Variants in PARVA observed in about 807,000 individuals in gnomAD.
PARVA encodes the protein parvin alpha.
In PARVA, 25 loss-of-function variants were observed where a neutral mutation model predicts 52.6. The ratio of observed to expected loss-of-function variants is 0.48; its 90% CI spans 0.35 to 0.66. PARVA has a LOEUF of 0.66. Ranked by LOEUF, PARVA falls within the 30% of genes least tolerant of loss-of-function variation. PARVA has a pLI of 0.01. For synonymous variants in PARVA, 185 were observed against 179.1 expected (o/e 1.03, Z -0.26); for missense variants, 373 against 450.9 (o/e 0.83, Z 1.56).
At chr11:12,388,671 T>C (rs1027064799) in intron 1 of PARVA, among the ~76,000 whole-genome samples, 3 of 152,184 alleles carry the variant, frequency 2.0e-5, no homozygotes, top group Non-Finnish European at 4.4e-5. Flanking sequence ...GCTTCATTTC[T>C]TTCTATTCTT....
chr11:12,381,884 T>C (rs759720556), intron 1 of PARVA, among the ~76,000 whole-genome samples: 1 of 152,220 alleles, frequency 6.6e-6, no homozygotes, highest in Non-Finnish European at 1.5e-5. Flanking sequence ...TCATGACTTT[T>C]CTCTGATACT....
rs1029230648 is a variant in PARVA at position 12,529,330 on chromosome 11, G to T, written c.*1405G>T. 1 of 152,112 alleles carries T rather than the reference G, an allele frequency of 6.6e-6. No individual in the cohort carries two copies. Among genetic ancestry groups the T allele is most frequent in the African/African-American group, 2.4e-5 (1 of 41,406 alleles). The allele number at this position is 152,112 out of a possible 1,614,324, so 9.4% of individuals were successfully genotyped here. A position where few individuals can be genotyped will look rare whatever the true frequency, so the allele number is the denominator to read the frequency against. Reference sequence around the variant, plus strand: ...CCTGTAAGAATAGGGAAGGGCGGAGGGGGGTGGGCAGTGACTAGGGGACGA... The same window carrying T: ...CCTGTAAGAATAGGGAAGGGCGGAGTGGGGTGGGCAGTGACTAGGGGACGA... On this transcript the variant is annotated 3_prime_UTR_variant, in exon 13 of 13. Coordinates refer to ENST00000334956, the MANE Select transcript of PARVA (RefSeq NM_018222.5).
chr11:12,530,528 A>T lies in PARVA; in HGVS notation c.*2603A>T, dbSNP rs1941760141. ...CAAAATTTAAAAAGCGCAAATAGGTATCTAGTGGAAAACCTAAGCCTCCCT... is the reference window on the plus strand; with the variant it reads ...CAAAATTTAAAAAGCGCAAATAGGTTTCTAGTGGAAAACCTAAGCCTCCCT... On this transcript the variant is annotated 3_prime_UTR_variant, in exon 13 of 13. Transcript: ENST00000334956. 1 of 152,212 alleles carries T rather than the reference A, an allele frequency of 6.6e-6. No individual in the cohort carries two copies. Among genetic ancestry groups the T allele is most frequent in the Non-Finnish European group, 1.5e-5 (1 of 68,040 alleles). The allele number at this position is 152,212 out of a possible 1,614,324, so 9.4% of individuals were successfully genotyped here.
At chr11:12,457,498 T>TCA (rs1940713626) in intron 1 of PARVA, among the ~76,000 whole-genome samples, 1 of 152,228 alleles carries the variant, frequency 6.6e-6, no homozygotes, top group Non-Finnish European at 1.5e-5. Flanking sequence ...CAGCACTTGC[T>TCA]CACCCTCTCT....
rs776065824 is a variant in PARVA at position 12,377,656 on chromosome 11, C to T, written c.9C>T (p.Thr3=). 17 of 1,569,660 alleles carry T rather than the reference C, an allele frequency of 1.1e-5. No homozygotes were observed. The South Asian group carries it at 1.6e-4, about 15-fold the overall frequency. The change falls in exon 1 of 13, where the codon ACC becomes ACT. Residue 3 remains threonine, a synonymous_variant. Coordinates refer to ENST00000334956, the MANE Select transcript of PARVA (RefSeq NM_018222.5). ...GCAGCCTGCGCCGCGCCATGGCCACCTCCCCGCAGAAGTCGCCTTCTGTCC... is the reference window on the plus strand; with the variant it reads ...GCAGCCTGCGCCGCGCCATGGCCACTTCCCCGCAGAAGTCGCCTTCTGTCC... The part of the protein sequence containing the change: MA[T]SPQKSPSVPK...
intron 9 of PARVA, 90 bp from the exon 10 acceptor site, chr11:12,513,899 TCACCCTCA>T: frequency 9.1e-7 from 1 of 1,096,080 alleles, no homozygotes; most frequent in African/African-American, 1.6e-5. Flanking sequence ...TCCTCTGCTT[TCACCCTCA>T]CCCTTGCCCT....
chr11:12,382,319 A>T (rs1939502678), intron 1 of PARVA, among the ~76,000 whole-genome samples: 1 of 152,032 alleles, frequency 6.6e-6, no homozygotes, highest in East Asian at 1.9e-4. Context: ...TTATGGTAGT[A>T]AATGAGAAGG....
intron 1 of PARVA, among the ~76,000 whole-genome samples, chr11:12,380,967 T>C (rs1939476426): frequency 6.6e-6 from 1 of 152,214 alleles, no homozygotes; most frequent in South Asian, 2.1e-4. Flanking sequence ...TTCATCCCTG[T>C]TATATTTCAC....
chr11:12,465,188 C>A (rs73411589), intron 1 of PARVA, among the ~76,000 whole-genome samples: 17,015 of 151,884 alleles, frequency 0.11, 999 homozygotes, highest in East Asian at 0.2. Context: ...TGGATTAATC[C>A]ATTAATGGAT....
At chr11:12,377,429 G>T, upstream of PARVA, 1 of 1,374,046 alleles carries the variant, frequency 7.3e-7, no homozygotes, top group Non-Finnish European at 9.3e-7. Context: ...CGCAAGGCGC[G>T]GCCCCGGGAG....
chr11:12,524,668 TA>T (rs1268804562), intron 12 of PARVA, among the ~76,000 whole-genome samples: 2 of 152,230 alleles, frequency 1.3e-5, no homozygotes, highest in African/African-American at 4.8e-5. Context: ...TTTCAGTCCT[TA>T]ACCTCCTCGC....
At chr11:12,519,060 G>A (rs1323611050) in intron 12 of PARVA, among the ~76,000 whole-genome samples, 3 of 152,234 alleles carry the variant, frequency 2.0e-5, no homozygotes, top group African/African-American at 2.4e-5. Context: ...GAGTGCACAC[G>A]TGCATTCGTG....
chr11:12,473,778 TC>T lies in PARVA; in HGVS notation c.171del (p.Asn58ThrfsTer40). ...SELQEEGMNA[I>X]NLPLSPIPFE... ...CTGCAGGAGGAGGGAATGAACGCCA[TC>T]AACCTGCCCCTCAGCCCAATTCCCT... On this transcript the variant is annotated frameshift_variant, in exon 2 of 13. Coordinates refer to ENST00000334956, the MANE Select transcript of PARVA (RefSeq NM_018222.5). LOFTEE classifies it high-confidence loss of function. 1.3e-6 allele frequency: 2 copies of T among 1,569,868 alleles called. No individual in the cohort carries two copies. Among genetic ancestry groups the T allele is most frequent in the Non-Finnish European group, 1.7e-6 (2 of 1,156,470 alleles).
At chr11:12,407,135 A>C (rs1939924096) in intron 1 of PARVA, among the ~76,000 whole-genome samples, 2 of 152,254 alleles carry the variant, frequency 1.3e-5, no homozygotes, top group South Asian at 4.1e-4. Context: ...TTTCCCTGGG[A>C]TGTTGCTTCT....
intron 6 of PARVA, among the ~76,000 whole-genome samples, chr11:12,508,247 C>T (rs903669616): frequency 1.3e-5 from 2 of 152,082 alleles, no homozygotes; most frequent in African/African-American, 4.8e-5. Flanking sequence ...GCAGACACAC[C>T]CTGGCCTTCA....
chr11:12,414,579 A>G (rs1272170235), intron 1 of PARVA, among the ~76,000 whole-genome samples: 1 of 152,082 alleles, frequency 6.6e-6, no homozygotes, highest in Non-Finnish European at 1.5e-5. Flanking sequence ...TTATTGCACC[A>G]TGATCTGACT....
At chr11:12,511,384 A>G (rs182132882) in intron 7 of PARVA, 130 bp from the exon 8 acceptor site, 11 of 948,494 alleles carry the variant, frequency 1.2e-5, no homozygotes, top group East Asian at 1.0e-4. Context: ...GAGCTCCTCA[A>G]CCAAGGGCAG....
chr11:12,485,094 G>A (rs1366921451), intron 4 of PARVA, among the ~76,000 whole-genome samples: 8 of 152,314 alleles, frequency 5.3e-5, no homozygotes, highest in African/African-American at 1.7e-4. Flanking sequence ...GATTAAAGGC[G>A]TGAGCCACCT....
chr11:12,480,919 G>C (rs1047705205), intron 4 of PARVA: 1 of 151,930 alleles, frequency 6.6e-6, no homozygotes, highest in Non-Finnish European at 1.5e-5. Flanking sequence ...ACGACCCTGT[G>C]AGTATAAAGG....
Sources: gnomAD v4.1 joint callset for allele counts (sites outside exome capture counted in the v4.1 genomes callset) on GRCh38, gnomAD v4.1.1 for gene constraint, MANE v1.5 for transcripts, NCBI Gene and HGNC (gene_info 2026-07-23, HGNC 2026-07-21) for gene names.